The following DNM3 variants were observed in gnomAD, a reference collection of about 807,000 sequenced individuals.
DNM3 encodes dynamin-3.
DNM3 carries 47 observed loss-of-function variants against 101.6 expected under a neutral mutation model. That is an observed-to-expected ratio of 0.46 (90% CI 0.37 to 0.59). The LOEUF (loss-of-function observed/expected upper bound fraction) is 0.59. DNM3 is among the 20% of genes least tolerant of loss of function. The probability of loss-of-function intolerance (pLI) is 0.00; values close to 1 mark genes in which losing one functional copy is unlikely to be tolerated. For missense variants in DNM3, 849 were observed against 1,085.7 expected, an observed-to-expected ratio of 0.78 and a Z score of 3.06; for synonymous variants, 385 against 387.9, an observed-to-expected ratio of 0.99 and a Z score of 0.09.
At chr1:172,240,175 G>A (rs1252701642) in intron 14 of DNM3, among the ~76,000 whole-genome samples, 1 of 152,030 alleles carries the variant, frequency 6.6e-6, no homozygotes, top group African/African-American at 2.4e-5. Context: ...ACAGAATCAC[G>A]TTACTGTCAG....
chr1:172,388,804 C>T lies in DNM3; in HGVS notation c.2517C>T (p.Val839=). 1.3e-6 allele frequency: 2 copies of T among 1,576,896 alleles called. No individual in the cohort carries two copies. Among genetic ancestry groups the T allele is most frequent in the East Asian group, 2.3e-5 (1 of 42,590 alleles). The stretch of plus-strand genomic sequence containing the variant: ...GGCCTACGAGGGCCCCGCCCAGTGT[C>T]CCAAGGTAAGGCATGGAGCAGAAAT... The part of the protein sequence containing the change: ...PSRPTRAPPS[V]PSRRPPPSPT... Residue 839 remains valine (V), a synonymous_variant, in exon 20 of 21, where the codon GTC becomes GTT. Coordinates refer to ENST00000627582, the MANE Select transcript of DNM3 (RefSeq NM_015569.5).
chr1:171,949,922 G>C (rs2042404215), intron 2 of DNM3, among the ~76,000 whole-genome samples: 1 of 152,022 alleles, frequency 6.6e-6, no homozygotes, highest in East Asian at 1.9e-4. Context: ...TCCACTCCAA[G>C]GTACAGTATT....
Position 172,323,184 on chromosome 1 carries a change from T to C in DNM3, c.1882-145T>C, listed in dbSNP as rs147097892. ...GAGATGTCAGTGAATAGTTAAATCA[T>C]TTGTTTTGATTTCACTCTAGCAAGA... On this transcript the variant is annotated intron_variant, in intron 16 of 20. Transcript: ENST00000627582. 9.3e-4 allele frequency: 759 copies of C among 812,964 alleles called. 2 individuals carry two copies. In the African/African-American group the frequency reaches 0.011, roughly 12 times the overall value. The allele number at this position is 812,964 out of a possible 1,614,324, so 50.4% of individuals were successfully genotyped here.
At chr1:172,167,419 C>T (rs563858119) in intron 14 of DNM3, among the ~76,000 whole-genome samples, 8 of 152,164 alleles carry the variant, frequency 5.3e-5, no homozygotes, top group African/African-American at 1.9e-4. Context: ...ATTTATAATC[C>T]TCTGGGTATA....
intron 13 of DNM3, among the ~76,000 whole-genome samples, chr1:172,097,709 G>A (rs1572495961): frequency 6.6e-6 from 1 of 152,140 alleles, no homozygotes; most frequent in South Asian, 2.1e-4. Flanking sequence ...TGGTTATCAT[G>A]GGAAATTCAG....
chr1:172,118,992 A>AT (rs761175849), intron 13 of DNM3, among the ~76,000 whole-genome samples: 2,814 of 140,014 alleles, frequency 0.02, 33 homozygotes, highest in Middle Eastern at 0.041. Flanking sequence ...CTAGTTGTTA[A>AT]TTTTTTTTTT....
chr1:171,995,151 G>A (rs538323977), intron 4 of DNM3, among the ~76,000 whole-genome samples: 2 of 136,510 alleles, frequency 1.5e-5, no homozygotes, highest in African/African-American at 5.7e-5. Flanking sequence ...TGCTGCCCAG[G>A]CTGGAGTGCA....
intron 14 of DNM3, among the ~76,000 whole-genome samples, chr1:172,175,993 A>G (rs546249927): frequency 6.6e-6 from 1 of 151,896 alleles, no homozygotes; most frequent in Admixed American, 6.6e-5. Flanking sequence ...TAGGCTAAGT[A>G]ATCCCTCCAA....
intron 10 of DNM3, among the ~76,000 whole-genome samples, chr1:172,057,683 T>A (rs900233817): frequency 6.6e-6 from 1 of 151,014 alleles, no homozygotes; most frequent in African/African-American, 2.4e-5. Flanking sequence ...CTAAAAGAGC[T>A]CCTGAAGGAA....
intron 1 of DNM3, among the ~76,000 whole-genome samples, chr1:171,870,736 G>T (rs904485883): frequency 6.6e-6 from 1 of 152,058 alleles, no homozygotes; most frequent in African/African-American, 2.4e-5. Flanking sequence ...ACAGCATAAG[G>T]CTAGAAAAAT....
chr1:171,930,058 A>G (rs563398295), intron 2 of DNM3, among the ~76,000 whole-genome samples: 38 of 152,012 alleles, frequency 2.5e-4, no homozygotes, highest in Admixed American at 1.9e-3. Flanking sequence ...GAAAGGTTCC[A>G]CCTGGTAAAT....
intron 17 of DNM3, among the ~76,000 whole-genome samples, chr1:172,329,159 A>G (rs1421826221): frequency 6.6e-6 from 1 of 152,138 alleles, no homozygotes; most frequent in Non-Finnish European, 1.5e-5. Flanking sequence ...CCTTCTGTCT[A>G]TCTTTGGCAG....
intron 14 of DNM3, among the ~76,000 whole-genome samples, chr1:172,159,635 G>A (rs2058472308): frequency 6.6e-6 from 1 of 152,032 alleles, no homozygotes; most frequent in Non-Finnish European, 1.5e-5. Flanking sequence ...TTTGCAGCAG[G>A]AATTTGGCAA....
intron 14 of DNM3, among the ~76,000 whole-genome samples, chr1:172,133,700 G>C (rs554365652): frequency 6.6e-6 from 1 of 152,142 alleles, no homozygotes; most frequent in African/African-American, 2.4e-5. Flanking sequence ...TTAGATTTGG[G>C]TGATTGGAAG....
chr1:171,956,024 C>T (rs1014374821), intron 2 of DNM3, among the ~76,000 whole-genome samples: 1 of 152,144 alleles, frequency 6.6e-6, no homozygotes, highest in Non-Finnish European at 1.5e-5. Flanking sequence ...CAGGTCCCTC[C>T]CATGACATGT....
intron 2 of DNM3, among the ~76,000 whole-genome samples, chr1:171,936,202 C>T (rs777712816): frequency 1.3e-5 from 2 of 151,772 alleles, no homozygotes; most frequent in Non-Finnish European, 2.9e-5. Flanking sequence ...ACTAAAAACA[C>T]GAAACAGCCG....
At chr1:172,133,288 C>T in intron 14 of DNM3, 1 of 1,042,564 alleles carries the variant, frequency 9.6e-7, no homozygotes, top group Non-Finnish European at 1.2e-6. Flanking sequence ...ATCTCCTCTC[C>T]TCCAGACTCA....
intron 3 of DNM3, among the ~76,000 whole-genome samples, chr1:171,988,293 T>C (rs112501339): frequency 2.1e-4 from 32 of 152,300 alleles, no homozygotes; most frequent in African/African-American, 7.2e-4. Flanking sequence ...GCTGACTAAA[T>C]TTTTAGTGGG....
chr1:172,208,182 G>T (rs1419555564), intron 14 of DNM3, among the ~76,000 whole-genome samples: 1 of 152,054 alleles, frequency 6.6e-6, no homozygotes, highest in East Asian at 1.9e-4. Context: ...GAAGAGAGGA[G>T]ACCACAAGTA....
Sources: allele counts gnomAD v4.1 joint callset (sites outside exome capture counted in the v4.1 genomes callset), GRCh38; gene constraint gnomAD v4.1.1; transcripts MANE v1.5; gene names NCBI Gene and HGNC (gene_info 2026-07-23, HGNC 2026-07-21).